Variants in RAD54L2 observed in about 807,000 individuals in gnomAD.
RAD54L2 encodes helicase ARIP4.
In RAD54L2, 27 loss-of-function variants were observed where a neutral mutation model predicts 138.4. That is an observed-to-expected ratio of 0.20 (90% confidence interval 0.14 to 0.27). The LOEUF (loss-of-function observed/expected upper bound fraction) is 0.27, where lower values mean the gene tolerates loss of function less well. RAD54L2 is among the 10% of genes least tolerant of loss of function. The pLI is 1.00. For synonymous variants in RAD54L2, 644 were observed against 723.2 expected, an observed-to-expected ratio of 0.89 and a Z score of 1.76; for missense variants, 1,396 against 1,890.2, an observed-to-expected ratio of 0.74 and a Z score of 4.85.
Position 51,600,429 on chromosome 3 carries a change from A to G in RAD54L2, c.139+9870A>G, listed in dbSNP as rs904441264. On this transcript the variant is annotated intron_variant, in intron 3 of 22. Coordinates refer to ENST00000684192, the MANE Select transcript of RAD54L2 (RefSeq NM_015106.4). ...CAGGAGTTCAAGACTGGCCTGAACA[A>G]AATAATGAGACTCCATCACTACAAA... 1.3e-4 allele frequency among the ~76,000 whole-genome samples: 20 copies of G among 152,134 alleles called. 1 individual carries two copies. Among genetic ancestry groups the G allele is most frequent in the Non-Finnish European group, 2.8e-4 (19 of 68,024 alleles).
At chr3:51,649,848 C>T (rs1701383714) in intron 19 of RAD54L2, among the ~76,000 whole-genome samples, 1 of 152,164 alleles carries the variant, frequency 6.6e-6, no homozygotes, top group African/African-American at 2.4e-5. Context: ...ATTGTAAAGA[C>T]CATTGATGCT....
At chr3:51,605,598 G>A (rs1700164615) in intron 3 of RAD54L2, among the ~76,000 whole-genome samples, 1 of 151,202 alleles carries the variant, frequency 6.6e-6, no homozygotes, top group African/African-American at 2.4e-5. Flanking sequence ...GATTACAGGT[G>A]CCCACCACCA....
At chr3:51,604,516 C>T (rs1700139065) in intron 3 of RAD54L2, among the ~76,000 whole-genome samples, 1 of 152,090 alleles carries the variant, frequency 6.6e-6, no homozygotes, top group Admixed American at 6.5e-5. Flanking sequence ...AGAGCATGGA[C>T]CTTGTAGACA....
intron 2 of RAD54L2, among the ~76,000 whole-genome samples, chr3:51,582,315 C>T (rs1699625558): frequency 6.6e-6 from 1 of 152,156 alleles, no homozygotes; most frequent in Admixed American, 6.6e-5. Flanking sequence ...CAAACAAAGC[C>T]TTTGTTCACA....
chr3:51,649,478 C>T (rs970494315), intron 19 of RAD54L2, among the ~76,000 whole-genome samples: 3 of 152,072 alleles, frequency 2.0e-5, no homozygotes, highest in South Asian at 4.2e-4. Flanking sequence ...GAAGAGCAAC[C>T]CCAAGACACA....
intron 2 of RAD54L2, among the ~76,000 whole-genome samples, chr3:51,565,599 A>G (rs540714959): frequency 6.6e-6 from 1 of 151,596 alleles, no homozygotes; most frequent in South Asian, 2.1e-4. Flanking sequence ...CAGCTTCCTG[A>G]GTAGCTAGGA....
intron 21 of RAD54L2, among the ~76,000 whole-genome samples, chr3:51,658,868 T>C (rs990837578): frequency 1.3e-5 from 2 of 152,090 alleles, no homozygotes; most frequent in Non-Finnish European, 2.9e-5. Context: ...CTACCTGTTA[T>C]AATATCTGCG....
At chr3:51,566,271 T>C (rs1432207074) in intron 2 of RAD54L2, among the ~76,000 whole-genome samples, 1 of 152,116 alleles carries the variant, frequency 6.6e-6, no homozygotes, top group Non-Finnish European at 1.5e-5. Context: ...CAGTTTGATG[T>C]TGAGAGAAAC....
rs1273254867 is a variant in RAD54L2, at chr3:51,607,411, C to T, written c.139+16852C>T. Among the ~76,000 whole-genome samples, 4 of 152,266 alleles carry T rather than the reference C, an allele frequency of 2.6e-5. No homozygotes were observed. The East Asian group carries it at 7.7e-4, about 29-fold the overall frequency. The stretch of plus-strand genomic sequence containing the variant: ...TGGACACAGCACATGTTTCAGAGAG[C>T]ACGGGGTTGGGGGTAAGGTTATAGA... On this transcript the variant is annotated intron_variant, in intron 3 of 22. Transcript: ENST00000684192.
At chr3:51,604,437 C>G (rs1265701775) in intron 3 of RAD54L2, among the ~76,000 whole-genome samples, 1 of 151,580 alleles carries the variant, frequency 6.6e-6, no homozygotes, top group Non-Finnish European at 1.5e-5. Flanking sequence ...GATCTGAACT[C>G]TCTATTTTGT....
At chr3:51,614,142 C>A (rs571257668) in intron 3 of RAD54L2, among the ~76,000 whole-genome samples, 1 of 151,756 alleles carries the variant, frequency 6.6e-6, no homozygotes, top group Admixed American at 6.6e-5. Context: ...CTGGCCATTT[C>A]ATTTCTTCAT....
In RAD54L2 at chr3:51,662,921, A is replaced by G. The variant is rs894951879; in HGVS notation, c.3905A>G (p.Asn1302Ser). The part of the protein sequence containing the change: ...GGFAMPPVSL[N>S]HNLTTPFTSQ... Reference sequence around the variant, plus strand: ...TTTGCCATGCCACCCGTCTCCTTAAACCATAACCTCACCACCCCCTTCACC... The same window carrying G: ...TTTGCCATGCCACCCGTCTCCTTAAGCCATAACCTCACCACCCCCTTCACC... Residue 1302 changes from asparagine (N) to serine (S), a missense_variant, in exon 23 of 23, where the codon AAC (asparagine) becomes AGC (serine). By Grantham distance (46) the Asn-to-Ser change is conservative. Transcript: ENST00000684192. The surrounding 1 kb of genome is among the most constrained non-coding windows in gnomAD (Gnocchi z 4.6). 5 of 1,613,530 alleles carry G rather than the reference A, an allele frequency of 3.1e-6. No individual in the cohort carries two copies. In the Admixed American group the frequency reaches 5.0e-5, roughly 16 times the overall value.
chr3:51,651,803 A>G (rs1701445736), intron 19 of RAD54L2, among the ~76,000 whole-genome samples: 1 of 152,198 alleles, frequency 6.6e-6, no homozygotes, highest in African/African-American at 2.4e-5. Context: ...AATAAGAGCT[A>G]TTTGTGACAA....
At chr3:51,642,839 G>C (rs1701174271) in intron 15 of RAD54L2, among the ~76,000 whole-genome samples, 2 of 152,046 alleles carry the variant, frequency 1.3e-5, no homozygotes, top group African/African-American at 2.4e-5. Context: ...AGCTGTGTTT[G>C]GGAACTGTTT....
chr3:51,583,506 A>C (rs1577403148), intron 2 of RAD54L2, among the ~76,000 whole-genome samples: 2 of 142,360 alleles, frequency 1.4e-5, no homozygotes. Context: ...CACAACCTCC[A>C]CCTCCCGGGT....
intron 3 of RAD54L2, among the ~76,000 whole-genome samples, chr3:51,603,876 G>T (rs1700126355): frequency 6.6e-6 from 1 of 152,110 alleles, no homozygotes; most frequent in Admixed American, 6.6e-5. Flanking sequence ...TTGTAGGCAA[G>T]TGGAATAGCA....
chr3:51,651,404 GA>G (rs1193141508), intron 19 of RAD54L2, among the ~76,000 whole-genome samples: 5 of 152,104 alleles, frequency 3.3e-5, no homozygotes, highest in Admixed American at 1.3e-4. Context: ...CCAATCAATA[GA>G]AAAAGAGGAA....
At chr3:51,602,170 T>C (rs1015237368) in intron 3 of RAD54L2, among the ~76,000 whole-genome samples, 1 of 152,188 alleles carries the variant, frequency 6.6e-6, no homozygotes. Context: ...GGGCATTGTT[T>C]TTTTATTTTT....
chr3:51,543,406 C>T (rs1159195092), intron 2 of RAD54L2, among the ~76,000 whole-genome samples: 1 of 151,934 alleles, frequency 6.6e-6, no homozygotes, highest in Non-Finnish European at 1.5e-5. Flanking sequence ...GTTGGGAGTT[C>T]GAGACCAGCC....
Sources: gnomAD v4.1 joint callset for allele counts (sites outside exome capture counted in the v4.1 genomes callset) on GRCh38, gnomAD v4.1.1 for gene constraint, Gnocchi (gnomAD v3.1) non-coding constraint, MANE v1.5 for transcripts, NCBI Gene and HGNC (gene_info 2026-07-23, HGNC 2026-07-21) for gene names.